BICD2: variants seen among roughly 807,000 people sequenced by gnomAD.
BICD2 encodes the protein BICD cargo adaptor 2.
A neutral mutation model predicts 72.9 loss-of-function variants in BICD2; 25 were observed. The observed-to-expected ratio is 0.34, with a 90% CI of 0.25 to 0.48. The LOEUF is 0.48. Among genes scored for constraint, BICD2 ranks in the 20% least tolerant of loss-of-function variants. The pLI is 0.99. For missense variants in BICD2, 894 were observed against 1,175.2 expected, an observed-to-expected ratio of 0.76 and a Z score of 3.50; for synonymous variants, 501 against 516.1, an observed-to-expected ratio of 0.97 and a Z score of 0.40.
In BICD2 at chr9:92,714,935, G is replaced by C; in HGVS notation, c.*219C>G. 3 of 1,376,220 alleles carry C rather than the reference G, an allele frequency of 2.2e-6. No individual in the cohort carries two copies. The South Asian group carries it at 5.3e-5, about 24-fold the overall frequency. 85.3% of individuals were successfully genotyped at this position (1,376,220 alleles called of 1,614,324 possible). A position where few individuals can be genotyped will look rare whatever the true frequency, so the allele number is the denominator to read the frequency against. On this transcript the variant is annotated 3_prime_UTR_variant, in exon 7 of 7. Coordinates refer to ENST00000356884, the MANE Select transcript of BICD2 (RefSeq NM_001003800.2). Reference sequence around the variant, plus strand: ...CCTCTGACCCCCACCTAAGAGAGCAGCTGAGGACTGGGTGCTCCTGAGGGG... The same window carrying C: ...CCTCTGACCCCCACCTAAGAGAGCACCTGAGGACTGGGTGCTCCTGAGGGG...
At chr9:92,726,641 G>A (rs1246203738) in intron 2 of BICD2, among the ~76,000 whole-genome samples, 1 of 152,152 alleles carries the variant, frequency 6.6e-6, no homozygotes, top group Non-Finnish European at 1.5e-5. Context: ...GAAGACCTGG[G>A]ATGGTTCCCA....
At chr9:92,757,312 C>CAAAAAAAAAAAAAAAAAAAAAAA (rs1169381290) in intron 1 of BICD2, among the ~76,000 whole-genome samples, 2 of 52,738 alleles carry the variant, frequency 3.8e-5, no homozygotes, top group Non-Finnish European at 3.6e-5. Context: ...AGACTGTCTC[C>CAAAAAAAAAAAAAAAAAAAAAAA]AAAAAAAAAA....
rs747808072 is a variant in BICD2, at chr9:92,718,569, C to T, written c.2076G>A (p.Thr692=). 20 of 1,612,820 alleles carry T rather than the reference C, an allele frequency of 1.2e-5. No individual in the cohort carries two copies. In the African/African-American group the frequency reaches 1.5e-4, roughly 12 times the overall value. The change falls in exon 5 of 7, where the codon ACG becomes ACA. Residue 692 remains threonine (T), a synonymous_variant. Coordinates refer to ENST00000356884, the MANE Select transcript of BICD2 (RefSeq NM_001003800.2). The stretch of plus-strand genomic sequence containing the variant: ...TGTTGGCCTTGAGCACAGTGCGCAG[C>T]GTGGTGATCTGCTCCCGCTTGGTGC... ...LLSTKREQIT[T]LRTVLKANKQ...
chr9:92,757,703 T>C (rs1854289648), intron 1 of BICD2, among the ~76,000 whole-genome samples: 1 of 149,338 alleles, frequency 6.7e-6, no homozygotes. Flanking sequence ...TGAGACTCCA[T>C]CTCAAAAAAA....
chr9:92,748,368 C>T lies in BICD2; in HGVS notation c.240+16137G>A, dbSNP rs141415876. ...CTGCAATGACAGGATAGTGCTCCCA[C>T]ACTCATCTTTCCCCTGGGATCATTC... On this transcript the variant is annotated intron_variant, in intron 1 of 6. Transcript: ENST00000356884. 3.7e-3 allele frequency among the ~76,000 whole-genome samples: 556 copies of T among 152,312 alleles called. 2 individuals carry two copies. The highest frequency in any genetic ancestry group is 9.1e-3 in the South Asian group (44 of 4,828).
At chr9:92,726,089 C>A (rs866259189) in intron 2 of BICD2, among the ~76,000 whole-genome samples, 1 of 152,142 alleles carries the variant, frequency 6.6e-6, no homozygotes, top group East Asian at 1.9e-4. Context: ...AGGGCCCACA[C>A]ATACACAGCG....
chr9:92,713,922 A>C lies in BICD2; in HGVS notation c.*1232T>G, dbSNP rs1853246409. ...CTTCCGCATGAGAGACAAGGCAAGC[A>C]GCCTGCAGGAGAGAAGACTGCAGCC... On this transcript the variant is annotated 3_prime_UTR_variant, in exon 7 of 7. Transcript: ENST00000356884. 1 of 996,730 alleles carries C rather than the reference A, an allele frequency of 1.0e-6. No homozygotes were observed. The highest frequency in any genetic ancestry group is 1.2e-6 in the Non-Finnish European group (1 of 836,378). 61.7% of individuals were successfully genotyped at this position (996,730 alleles called of 1,614,324 possible).
chr9:92,716,461 C>T (rs1052234598), intron 6 of BICD2, among the ~76,000 whole-genome samples: 11 of 152,204 alleles, frequency 7.2e-5, no homozygotes, highest in African/African-American at 2.4e-4. Context: ...CCTGCTCTGG[C>T]ACGTCCTGCA....
At position 92,713,197 on chromosome 9, in the gene BICD2, C is replaced by A. The variant is rs1853226971; in HGVS notation, c.*1957G>T. The A allele has an allele frequency of 4.3e-6, 2 of 470,464 alleles. No homozygotes were observed. The highest frequency in any genetic ancestry group is 2.0e-5 in the African/African-American group (1 of 51,126). 29.1% of individuals were successfully genotyped at this position (470,464 alleles called of 1,614,324 possible). Reference sequence around the variant, plus strand: ...TCCAGTGGGCTCCTGGCGAGCCTGGCAGCCAGGGAAGAAGGGTCTTCGGCC... The same window carrying A: ...TCCAGTGGGCTCCTGGCGAGCCTGGAAGCCAGGGAAGAAGGGTCTTCGGCC... On this transcript the variant is annotated 3_prime_UTR_variant, in exon 7 of 7. Transcript: ENST00000356884.
intron 1 of BICD2, among the ~76,000 whole-genome samples, chr9:92,757,287 C>T (rs1026285314): frequency 4.5e-5 from 6 of 133,806 alleles, no homozygotes; most frequent in Non-Finnish European, 9.2e-5. Context: ...GCACTCCAGC[C>T]TGGGCGACAG....
chr9:92,756,012 C>G (rs1187793376), intron 1 of BICD2, among the ~76,000 whole-genome samples: 1 of 152,200 alleles, frequency 6.6e-6, no homozygotes, highest in African/African-American at 2.4e-5. Flanking sequence ...CACTGCCATG[C>G]TAGTAAGAGT....
intron 2 of BICD2, 51 bp from the exon 3 acceptor site, chr9:92,722,859 G>T (rs1853493052): frequency 6.2e-7 from 1 of 1,609,634 alleles, no homozygotes; most frequent in East Asian, 2.2e-5. Context: ...CAGGGCACGA[G>T]AGGGGCTCAG....
In BICD2 at chr9:92,717,643, G is replaced by T. The variant is rs558475367; in HGVS notation, c.2258+154C>A. Among the ~76,000 whole-genome samples the T allele has an allele frequency of 1.0e-3, 155 of 152,306 alleles. No individual in the cohort carries two copies. The highest frequency in any genetic ancestry group is 3.5e-3 in the African/African-American group (144 of 41,560). ...CCAGGGGCCATGCTTCCCCAACCTC[G>T]TACCATGCTGGCCCTGATGGAGCTG... On this transcript the variant is annotated intron_variant, in intron 6 of 6. Coordinates refer to ENST00000356884, the MANE Select transcript of BICD2 (RefSeq NM_001003800.2).
In BICD2 at chr9:92,718,908, G is replaced by C. The variant is rs1379972740; in HGVS notation, c.1737C>G (p.Gly579=). Residue 579 remains glycine (G), a synonymous_variant, in exon 5 of 7, where the codon GGC becomes GGG. Transcript: ENST00000356884. ...TGGGTAGGAGGATGGGTGAGCGCCG[G>C]CCACGCGCCTCGGGGCTGGTGCGGC... ...PGGRTSPEAR[G]RRSPILLPKG... is the part of the protein sequence containing the mutation. 6.2e-7 allele frequency: 1 copy of C among 1,601,934 alleles called. No homozygotes were observed. Among genetic ancestry groups the C allele is most frequent in the African/African-American group, 1.3e-5 (1 of 74,726 alleles).
intron 1 of BICD2, among the ~76,000 whole-genome samples, chr9:92,736,984 G>A (rs1025311321): frequency 3.3e-5 from 5 of 152,112 alleles, no homozygotes; most frequent in African/African-American, 1.2e-4. Context: ...GATGAGCCCA[G>A]TGCCCCACCC....
intron 1 of BICD2, among the ~76,000 whole-genome samples, chr9:92,746,709 G>A (rs549549741): frequency 3.3e-5 from 5 of 152,214 alleles, no homozygotes; most frequent in East Asian, 1.9e-4. Flanking sequence ...AGTAACCGTC[G>A]TGATGGCTCT....
intron 1 of BICD2, among the ~76,000 whole-genome samples, chr9:92,733,062 TAAC>T (rs1184015159): frequency 6.6e-6 from 1 of 152,118 alleles, no homozygotes; most frequent in Non-Finnish European, 1.5e-5. Context: ...TGAAAGGGAA[TAAC>T]AACGTGAGAG....
At chr9:92,743,349 T>A (rs1403287210) in intron 1 of BICD2, among the ~76,000 whole-genome samples, 1 of 144,470 alleles carries the variant, frequency 6.9e-6, no homozygotes, top group Non-Finnish European at 1.5e-5. Flanking sequence ...CGTGCCACCA[T>A]GCCAGCTTTT....
intron 1 of BICD2, among the ~76,000 whole-genome samples, chr9:92,736,542 A>C (rs546924514): frequency 3.3e-5 from 5 of 152,384 alleles, no homozygotes; most frequent in Admixed American, 1.3e-4. Context: ...TAATCAAGAA[A>C]TAACTATAAG....
Sources: allele counts gnomAD v4.1 joint callset (sites outside exome capture counted in the v4.1 genomes callset), GRCh38; gene constraint gnomAD v4.1.1; transcripts MANE v1.5; gene names NCBI Gene and HGNC (gene_info 2026-07-23, HGNC 2026-07-21).